GALNTL6: variants seen among roughly 807,000 people sequenced by gnomAD.
GALNTL6 encodes the protein polypeptide N-acetylgalactosaminyltransferase-like 6.
Under a neutral mutation model 73.7 loss-of-function variants are expected in GALNTL6, and 46 were observed. The observed-to-expected ratio is 0.62, with a 90% CI of 0.49 to 0.80. The LOEUF is 0.80. GALNTL6 is among the 30% of genes least tolerant of loss of function. GALNTL6 has a pLI of 0.00. For synonymous variants in GALNTL6, 259 were observed against 263.7 expected, an observed-to-expected ratio of 0.98 and a Z score of 0.17; for missense variants, 604 against 755.0, an observed-to-expected ratio of 0.80 and a Z score of 2.34.
intron 5 of GALNTL6, among the ~76,000 whole-genome samples, chr4:172,496,011 A>C (rs1022544623): frequency 6.6e-6 from 1 of 152,184 alleles, no homozygotes; most frequent in Non-Finnish European, 1.5e-5. Flanking sequence ...GTAATAAACT[A>C]TACCGTTTGT....
intron 2 of GALNTL6, among the ~76,000 whole-genome samples, chr4:172,108,425 T>G (rs559864597): frequency 6.6e-6 from 1 of 152,334 alleles, no homozygotes; most frequent in Non-Finnish European, 1.5e-5. Flanking sequence ...GCCAGTGGTT[T>G]AGTTCCAGTC....
chr4:172,480,364 T>C (rs1355474362), intron 5 of GALNTL6, among the ~76,000 whole-genome samples: 1 of 152,144 alleles, frequency 6.6e-6, no homozygotes, highest in African/African-American at 2.4e-5. Context: ...TGGCCTCTGG[T>C]CTTTTTAACT....
intron 5 of GALNTL6, among the ~76,000 whole-genome samples, chr4:172,413,043 T>C (rs1376108607): frequency 6.6e-6 from 1 of 152,112 alleles, no homozygotes; most frequent in African/African-American, 2.4e-5. Flanking sequence ...CAGAAGTTCC[T>C]CCATCCCCAG....
At chr4:171,924,183 TACACACACACACACACACAC>T (rs371649848) in intron 2 of GALNTL6, among the ~76,000 whole-genome samples, 2 of 142,456 alleles carry the variant, frequency 1.4e-5, no homozygotes, top group African/African-American at 5.2e-5. Context: ...ACCACACACA[TACACACACACACACACACAC>T]ACACACACAC....
At chr4:172,657,994 C>CA (rs1459227606) in intron 5 of GALNTL6, among the ~76,000 whole-genome samples, 2 of 144,674 alleles carry the variant, frequency 1.4e-5, no homozygotes, top group African/African-American at 5.1e-5. Flanking sequence ...ACTAAAAATA[C>CA]AAAAAATTAG....
intron 5 of GALNTL6, among the ~76,000 whole-genome samples, chr4:172,460,427 A>T (rs1732569706): frequency 6.6e-6 from 1 of 152,200 alleles, no homozygotes; most frequent in Admixed American, 6.5e-5. Context: ...ATCAGAGTGA[A>T]TAGACAACCT....
intron 8 of GALNTL6, among the ~76,000 whole-genome samples, chr4:172,929,915 G>A (rs1214270283): frequency 1.3e-5 from 2 of 152,124 alleles, no homozygotes; most frequent in Admixed American, 1.3e-4. Context: ...CCACAATTAA[G>A]TGTGCGTCTG....
rs796754265 is a variant in GALNTL6, at chr4:172,377,217, T to C, written c.553+28528T>C. On this transcript the variant is annotated intron_variant, in intron 5 of 12. Transcript: ENST00000506823. The stretch of plus-strand genomic sequence containing the variant: ...CTGTTTTATAGAGAGCTGATTGGTA[T>C]GTTTTGACAGAGTGCTGATTGGTGC... Among the ~76,000 whole-genome samples the C allele has an allele frequency of 1.2e-4, 18 of 152,298 alleles. 1 individual carries two copies. Among genetic ancestry groups the C allele is most frequent in the African/African-American group, 3.8e-4 (16 of 41,574 alleles).
intron 2 of GALNTL6, among the ~76,000 whole-genome samples, chr4:171,873,787 T>C (rs1736199538): frequency 6.6e-6 from 1 of 152,188 alleles, no homozygotes; most frequent in Non-Finnish European, 1.5e-5. Context: ...ATATCAAGAT[T>C]TCAGACTGTA....
chr4:172,205,230 A>G (rs1460343025), intron 2 of GALNTL6, among the ~76,000 whole-genome samples: 1 of 152,252 alleles, frequency 6.6e-6, no homozygotes, highest in African/African-American at 2.4e-5. Context: ...GGATAAATAG[A>G]TACCACAAAC....
In GALNTL6 at chr4:172,861,804, A is replaced by G. The variant is rs188459481; in HGVS notation, c.924-20986A>G. On this transcript the variant is annotated intron_variant, in intron 7 of 12. Coordinates refer to ENST00000506823, the MANE Select transcript of GALNTL6 (RefSeq NM_001034845.3). ...TCTCTTGCCTGCCACCATGTAAGACATGACTTTGCTCCTCATTTGCCTTCC... is the reference window on the plus strand; with the variant it reads ...TCTCTTGCCTGCCACCATGTAAGACGTGACTTTGCTCCTCATTTGCCTTCC... Among the ~76,000 whole-genome samples the G allele has an allele frequency of 6.1e-4, 93 of 152,348 alleles. 2 individuals carry two copies. In the East Asian group the frequency reaches 0.016, roughly 26 times the overall value.
At chr4:172,857,401 C>A (rs1744173415) in intron 7 of GALNTL6, among the ~76,000 whole-genome samples, 1 of 152,042 alleles carries the variant, frequency 6.6e-6, no homozygotes, top group Admixed American at 6.6e-5. Flanking sequence ...TGTGTGGCCC[C>A]CATCTGTTTA....
At chr4:172,141,993 G>T (rs189306926) in intron 2 of GALNTL6, among the ~76,000 whole-genome samples, 1 of 151,768 alleles carries the variant, frequency 6.6e-6, no homozygotes, top group African/African-American at 2.4e-5. Context: ...TTTGCTGAAA[G>T]AATCAGTGTA....
chr4:171,977,872 A>G (rs1012555461), intron 2 of GALNTL6, among the ~76,000 whole-genome samples: 1 of 152,206 alleles, frequency 6.6e-6, no homozygotes, highest in African/African-American at 2.4e-5. Context: ...TAAATCTATA[A>G]TCACAAGATA....
intron 2 of GALNTL6, among the ~76,000 whole-genome samples, chr4:172,030,252 C>T (rs1043680990): frequency 5.9e-5 from 9 of 152,036 alleles, no homozygotes; most frequent in East Asian, 5.8e-4. Flanking sequence ...CTAATCTAAT[C>T]GAGAAAAACC....
intron 2 of GALNTL6, among the ~76,000 whole-genome samples, chr4:172,115,378 T>G (rs1732959072): frequency 6.6e-6 from 1 of 152,138 alleles, no homozygotes; most frequent in South Asian, 2.1e-4. Flanking sequence ...GAAATTGTTT[T>G]AAGTTGGAAG....
chr4:171,930,809 T>A (rs1297161287), intron 2 of GALNTL6, among the ~76,000 whole-genome samples: 2 of 152,228 alleles, frequency 1.3e-5, no homozygotes, highest in African/African-American at 4.8e-5. Context: ...CACTCCAGCC[T>A]GGGTGACAGA....
chr4:172,016,609 G>A (rs551898054), intron 2 of GALNTL6, among the ~76,000 whole-genome samples: 1 of 152,032 alleles, frequency 6.6e-6, no homozygotes, highest in South Asian at 2.1e-4. Flanking sequence ...CCATTGCTAG[G>A]AAGCTAGTGT....
chr4:171,885,679 A>T (rs746990243), intron 2 of GALNTL6, among the ~76,000 whole-genome samples: 3 of 151,938 alleles, frequency 2.0e-5, no homozygotes, highest in Non-Finnish European at 2.9e-5. Flanking sequence ...AGTGGCACAC[A>T]CCTGTGTTCC....
Sources: gnomAD v4.1 joint callset for allele counts (sites outside exome capture counted in the v4.1 genomes callset) on GRCh38, gnomAD v4.1.1 for gene constraint, MANE v1.5 for transcripts, NCBI Gene and HGNC (gene_info 2026-07-23, HGNC 2026-07-21) for gene names.